The following ZNF521 variants were observed in gnomAD, a reference collection of about 807,000 sequenced individuals.
The protein encoded by ZNF521 is LYST-interacting protein 3.
A neutral mutation model predicts 105.5 loss-of-function variants in ZNF521; 14 were observed. The observed-to-expected ratio is 0.13, with a 90% confidence interval of 0.09 to 0.21. The LOEUF (loss-of-function observed/expected upper bound fraction) is 0.21, where lower values mean the gene tolerates loss of function less well. Among genes scored for constraint, ZNF521 ranks in the 10% least tolerant of loss-of-function variants. ZNF521 has a pLI of 1.00. For synonymous variants in ZNF521, 635 were observed against 606.0 expected, an observed-to-expected ratio of 1.05 and a Z score of -0.70; for missense variants, 1,233 against 1,629.7, an observed-to-expected ratio of 0.76 and a Z score of 4.19.
At chr18:25,087,102 T>C (rs551305766) in intron 7 of ZNF521, among the ~76,000 whole-genome samples, 11 of 152,318 alleles carry the variant, frequency 7.2e-5, no homozygotes, top group Admixed American at 2.6e-4. Context: ...TATTCTTGTA[T>C]TTAATAGATT....
At chr18:25,125,726 T>C (rs938971975) in intron 5 of ZNF521, among the ~76,000 whole-genome samples, 9 of 77,478 alleles carry the variant, frequency 1.2e-4, no homozygotes, top group Non-Finnish European at 2.7e-4. Flanking sequence ...AAAACTGCTT[T>C]TTTTTTTTTT....
At chr18:25,282,089 A>C (rs1446943248) in intron 3 of ZNF521, among the ~76,000 whole-genome samples, 2 of 152,190 alleles carry the variant, frequency 1.3e-5, no homozygotes, top group African/African-American at 4.8e-5. Context: ...AATTATAGGA[A>C]AATTCTGTTT....
chr18:25,223,281 T>C (rs532295101), intron 4 of ZNF521, among the ~76,000 whole-genome samples: 1 of 152,188 alleles, frequency 6.6e-6, no homozygotes, highest in South Asian at 2.1e-4. Flanking sequence ...GCTTCAAAGT[T>C]TGGGAGTTTG....
At chr18:25,099,083 C>T (rs1425903565) in intron 5 of ZNF521, among the ~76,000 whole-genome samples, 1 of 152,120 alleles carries the variant, frequency 6.6e-6, no homozygotes, top group Non-Finnish European at 1.5e-5. Context: ...ATTCTTGCTA[C>T]AGTGCAAGTT....
chr18:25,165,756 A>G (rs994018926), intron 5 of ZNF521, among the ~76,000 whole-genome samples: 18 of 152,328 alleles, frequency 1.2e-4, no homozygotes, highest in African/African-American at 4.3e-4. Context: ...TTGAAAACAC[A>G]CTGTAGAAAA....
chr18:25,130,241 A>C (rs376352362), intron 5 of ZNF521, among the ~76,000 whole-genome samples: 1 of 152,356 alleles, frequency 6.6e-6, no homozygotes, highest in East Asian at 1.9e-4. Flanking sequence ...CAGTCTGAAA[A>C]GCTACATCCT....
chr18:25,172,153 T>C (rs991790364), intron 5 of ZNF521, among the ~76,000 whole-genome samples: 1 of 152,138 alleles, frequency 6.6e-6, no homozygotes, highest in African/African-American at 2.4e-5. Flanking sequence ...TGCTAGAACA[T>C]TTGAAGATTG....
intron 4 of ZNF521, among the ~76,000 whole-genome samples, chr18:25,216,158 A>C (rs1007421310): frequency 2.6e-5 from 4 of 152,188 alleles, no homozygotes; most frequent in African/African-American, 9.7e-5. Flanking sequence ...CCTCATAGGG[A>C]AATTCTGATG....
At chr18:25,348,738 A>G (rs1382119987) in intron 2 of ZNF521, among the ~76,000 whole-genome samples, 1 of 152,224 alleles carries the variant, frequency 6.6e-6, no homozygotes, top group Non-Finnish European at 1.5e-5. Flanking sequence ...ATAATTTTGC[A>G]ACATGACGAT....
intron 5 of ZNF521, among the ~76,000 whole-genome samples, chr18:25,134,452 G>A (rs1260215729): frequency 1.3e-5 from 2 of 152,116 alleles, no homozygotes; most frequent in African/African-American, 4.8e-5. Context: ...TTCCTAATGA[G>A]CAGGGTAACT....
intron 3 of ZNF521, among the ~76,000 whole-genome samples, chr18:25,251,339 A>G (rs1457829465): frequency 6.6e-6 from 1 of 152,204 alleles, no homozygotes; most frequent in Non-Finnish European, 1.5e-5. Flanking sequence ...TTCCAGATGA[A>G]TAAACAACTT....
intron 3 of ZNF521, among the ~76,000 whole-genome samples, chr18:25,233,369 A>C (rs1222481322): frequency 6.6e-6 from 1 of 152,204 alleles, no homozygotes; most frequent in African/African-American, 2.4e-5. Flanking sequence ...GCTCCACATT[A>C]AATTCACTCC....
At chr18:25,179,066 A>T in intron 5 of ZNF521, among the ~76,000 whole-genome samples, 1 of 148,396 alleles carries the variant, frequency 6.7e-6, no homozygotes. Flanking sequence ...AACAAACCCC[A>T]AACCCTTTGA....
At chr18:25,068,691 T>G (rs576660578) in intron 7 of ZNF521, among the ~76,000 whole-genome samples, 1 of 152,254 alleles carries the variant, frequency 6.6e-6, no homozygotes, top group African/African-American at 2.4e-5. Flanking sequence ...TTTAAATGTG[T>G]CTGTACGGGT....
intron 5 of ZNF521, among the ~76,000 whole-genome samples, chr18:25,161,063 G>A (rs1047876207): frequency 1.1e-4 from 16 of 152,072 alleles, no homozygotes; most frequent in African/African-American, 3.6e-4. Flanking sequence ...GACCTCCTGA[G>A]GCAGGTCACA....
At chr18:25,215,575 T>C (rs1030099998) in intron 4 of ZNF521, among the ~76,000 whole-genome samples, 2 of 152,238 alleles carry the variant, frequency 1.3e-5, no homozygotes, top group East Asian at 1.9e-4. Context: ...TTTGGCCTAG[T>C]ACCAAAAGGA....
intron 5 of ZNF521, among the ~76,000 whole-genome samples, chr18:25,123,886 C>T (rs954238345): frequency 6.6e-6 from 1 of 152,150 alleles, no homozygotes; most frequent in Non-Finnish European, 1.5e-5. Context: ...ATGATCCCTT[C>T]TTTAACCTTT....
intron 7 of ZNF521, among the ~76,000 whole-genome samples, chr18:25,071,427 G>T (rs929944500): frequency 6.6e-6 from 1 of 152,126 alleles, no homozygotes; most frequent in Non-Finnish European, 1.5e-5. Context: ...TGCTGCTTTA[G>T]GGATATTTGC....
At chr18:25,298,140 G>C (rs1364551991) in intron 3 of ZNF521, among the ~76,000 whole-genome samples, 2 of 152,164 alleles carry the variant, frequency 1.3e-5, no homozygotes, top group African/African-American at 2.4e-5. Flanking sequence ...TATTGTCAGA[G>C]AGCACAGACT....
Sources: gnomAD v4.1 joint callset for allele counts (sites outside exome capture counted in the v4.1 genomes callset) on GRCh38, gnomAD v4.1.1 for gene constraint, MANE v1.5 for transcripts, NCBI Gene and HGNC (gene_info 2026-07-23, HGNC 2026-07-21) for gene names.